The following HLCS variants were observed in gnomAD, a reference collection of about 807,000 sequenced individuals.
HLCS encodes biotin--protein ligase.
A neutral mutation model predicts 75.0 loss-of-function variants in HLCS; 53 were observed. The ratio of observed to expected loss-of-function variants is 0.71; its 90% CI spans 0.57 to 0.89. The LOEUF (loss-of-function observed/expected upper bound fraction) is 0.89. HLCS is among the 40% of genes least tolerant of loss of function. The probability of loss-of-function intolerance (pLI) is 0.00; values close to 1 mark genes in which losing one functional copy is unlikely to be tolerated. For missense variants in HLCS, 966 were observed against 1,074.0 expected (o/e 0.90, Z 1.41); for synonymous variants, 431 against 428.6 (o/e 1.01, Z -0.07).
At chr21:36,829,608 A>T (rs772867263) in intron 6 of HLCS, among the ~76,000 whole-genome samples, 2 of 152,232 alleles carry the variant, frequency 1.3e-5, no homozygotes, top group Non-Finnish European at 2.9e-5. Context: ...TGTTAGGATT[A>T]CATTTCCTTC....
chr21:36,806,055 AG>A (rs2061350628), intron 6 of HLCS: 1 of 152,210 alleles, frequency 6.6e-6, no homozygotes, highest in Non-Finnish European at 1.5e-5. Context: ...CTTTCCCTGA[AG>A]CTCTATTTAA....
intron 6 of HLCS, 68 bp from the exon 7 acceptor site, chr21:36,767,353 A>G: frequency 2.0e-6 from 3 of 1,468,542 alleles, no homozygotes; most frequent in Non-Finnish European, 2.9e-6. Context: ...TGGCTCACAC[A>G]GGAGGGACAG....
intron 6 of HLCS, among the ~76,000 whole-genome samples, chr21:36,830,821 CAAAAAAAAAA>C (rs34494258): frequency 0.024 from 1,475 of 62,076 alleles, 17 homozygotes; most frequent in Non-Finnish European, 0.035. Flanking sequence ...GACCCTCTCT[CAAAAAAAAAA>C]AAAAAAAAAA....
chr21:36,980,374 GGAA>G (rs1276874672), intron 1 of HLCS: 3 of 152,148 alleles, frequency 2.0e-5, no homozygotes, highest in African/African-American at 7.2e-5. Flanking sequence ...TTCCAGACCT[GGAA>G]GATGATGGCA....
intron 1 of HLCS, among the ~76,000 whole-genome samples, chr21:36,988,420 TG>T (rs1050682286): frequency 3.0e-4 from 45 of 152,336 alleles, no homozygotes; most frequent in African/African-American, 1.1e-3. Flanking sequence ...GTGCATTGTG[TG>T]GATGTACCAG....
intron 6 of HLCS, among the ~76,000 whole-genome samples, chr21:36,781,047 C>T (rs976464714): frequency 6.6e-6 from 1 of 151,124 alleles, no homozygotes; most frequent in Non-Finnish European, 1.5e-5. Flanking sequence ...CTCACGTTAC[C>T]ACCTGAGCTC....
At chr21:36,781,246 T>C (rs4501027) in intron 6 of HLCS, among the ~76,000 whole-genome samples, 110,012 of 144,086 alleles carry the variant, frequency 0.76, 42,127 homozygotes, top group African/African-American at 0.88. Flanking sequence ...AACAGGAGCG[T>C]GAAACTCTGT....
chr21:36,974,639 A>G (rs1353854224), intron 1 of HLCS: 1 of 152,230 alleles, frequency 6.6e-6, no homozygotes, highest in Non-Finnish European at 1.5e-5. Flanking sequence ...TAAAATAGTC[A>G]TTAAGGTGAA....
intron 6 of HLCS, among the ~76,000 whole-genome samples, chr21:36,791,008 G>A (rs1471263380): frequency 6.6e-6 from 1 of 152,216 alleles, no homozygotes. Flanking sequence ...AATGATAGAT[G>A]CAGGGGTGCC....
At chr21:36,952,753 T>A (rs1051725554) in intron 2 of HLCS, among the ~76,000 whole-genome samples, 3 of 135,570 alleles carry the variant, frequency 2.2e-5, no homozygotes, top group Non-Finnish European at 4.5e-5. Flanking sequence ...ATCGTGCCAC[T>A]GCACTCCAGC....
intron 2 of HLCS, among the ~76,000 whole-genome samples, chr21:36,953,445 A>C (rs954805060): frequency 1.3e-5 from 2 of 152,174 alleles, no homozygotes; most frequent in African/African-American, 2.4e-5. Context: ...TGAGGAAAAA[A>C]ATGGGTCCCT....
At position 36,829,968 on chromosome 21, in the gene HLCS, A is replaced by C. The variant is rs139969327; in HGVS notation, c.1893-62683T>G. Among the ~76,000 whole-genome samples, 217 of 152,338 alleles carry C rather than the reference A, an allele frequency of 1.4e-3. 2 individuals carry two copies. The highest frequency in any genetic ancestry group is 5.0e-3 in the African/African-American group (209 of 41,568). On this transcript the variant is annotated intron_variant, in intron 6 of 10. Transcript: ENST00000674895. The stretch of plus-strand genomic sequence containing the variant: ...AAAAATTCAGATATTGAAGTCCTCA[A>C]CCTCAGCACCTCAAAATGGAACTGT...
At chr21:36,903,732 G>A (rs8132538) in intron 5 of HLCS, among the ~76,000 whole-genome samples, 32,082 of 152,100 alleles carry the variant, frequency 0.21, 3,767 homozygotes, top group African/African-American at 0.29. Context: ...TACCCACGGT[G>A]TCTCAAACAC....
chr21:36,904,929 C>T (rs1244158071), intron 5 of HLCS, among the ~76,000 whole-genome samples: 1 of 152,260 alleles, frequency 6.6e-6, no homozygotes, highest in East Asian at 1.9e-4. Flanking sequence ...AGTGGGCTGA[C>T]ATATAAGTAG....
At chr21:36,921,033 T>C (rs969642750) in intron 5 of HLCS, among the ~76,000 whole-genome samples, 10 of 152,378 alleles carry the variant, frequency 6.6e-5, no homozygotes, top group African/African-American at 2.4e-4. Flanking sequence ...GGTGCCATCA[T>C]TCAATCACTC....
At chr21:36,937,542 T>C in intron 3 of HLCS, 150 bp from the exon 4 acceptor site, 1 of 740,538 alleles carries the variant, frequency 1.4e-6, no homozygotes, top group Non-Finnish European at 2.4e-6. Flanking sequence ...GCATCCCCCC[T>C]CAACTCGGGG....
At chr21:36,852,833 T>A (rs2063060045) in intron 6 of HLCS, among the ~76,000 whole-genome samples, 1 of 152,100 alleles carries the variant, frequency 6.6e-6, no homozygotes, top group Admixed American at 6.6e-5. Flanking sequence ...GCTGAGGACA[T>A]CACTTCCTCA....
chr21:36,750,151 C>T lies in HLCS; in HGVS notation c.*4095G>A, dbSNP rs1019014643. Reference sequence around the variant, plus strand: ...GTCTGCACATTTAAGCTGGGGATAGCGTTTCTTGACTTCTGTGAGGCTCCG... The same window carrying T: ...GTCTGCACATTTAAGCTGGGGATAGTGTTTCTTGACTTCTGTGAGGCTCCG... On this transcript the variant is annotated 3_prime_UTR_variant, in exon 11 of 11. Transcript: ENST00000674895. Among the ~76,000 whole-genome samples the T allele has an allele frequency of 3.3e-5, 5 of 152,126 alleles. No homozygotes were observed. The East Asian group carries it at 5.8e-4, about 18-fold the overall frequency.
chr21:36,856,974 C>T (rs75484812), intron 6 of HLCS, among the ~76,000 whole-genome samples: 3 of 152,238 alleles, frequency 2.0e-5, no homozygotes, highest in Admixed American at 1.3e-4. Flanking sequence ...GCAGTTCTCA[C>T]TTTGCATGGT....
Sources: allele counts gnomAD v4.1 joint callset (sites outside exome capture counted in the v4.1 genomes callset), GRCh38; gene constraint gnomAD v4.1.1; transcripts MANE v1.5; gene names NCBI Gene and HGNC (gene_info 2026-07-23, HGNC 2026-07-21).